Variants in TMEM108 observed in about 807,000 individuals in gnomAD.
TMEM108 encodes the protein transmembrane protein 108, also known as cancer/testis antigen 124.
A neutral mutation model predicts 35.1 loss-of-function variants in TMEM108; 12 were observed. That is an observed-to-expected ratio of 0.34 (90% CI 0.22 to 0.55). TMEM108 has a LOEUF of 0.55. Ranked by LOEUF, TMEM108 falls within the 20% of genes least tolerant of loss-of-function variation. TMEM108 has a pLI of 0.89. For missense variants in TMEM108, 680 were observed against 753.3 expected, an observed-to-expected ratio of 0.90 and a Z score of 1.14; for synonymous variants, 287 against 308.6, an observed-to-expected ratio of 0.93 and a Z score of 0.73.
intron 2 of TMEM108, among the ~76,000 whole-genome samples, chr3:133,094,080 C>T (rs917848711): frequency 1.3e-5 from 2 of 152,054 alleles, no homozygotes; most frequent in Non-Finnish European, 2.9e-5. Context: ...CCAAAGTTTC[C>T]GGTTTAGTCC....
intron 2 of TMEM108, among the ~76,000 whole-genome samples, chr3:133,105,726 G>A (rs1175782381): frequency 6.6e-6 from 1 of 152,156 alleles, no homozygotes; most frequent in East Asian, 1.9e-4. Flanking sequence ...GGGATAAACT[G>A]GCTTGGCATA....
intron 2 of TMEM108, among the ~76,000 whole-genome samples, chr3:133,111,418 A>C (rs1944222288): frequency 1.3e-5 from 2 of 151,928 alleles, no homozygotes; most frequent in Admixed American, 1.3e-4. Flanking sequence ...GATTTTCTTC[A>C]CCCTTTCTTC....
At chr3:133,322,682 C>A (rs1001957563) in intron 3 of TMEM108, among the ~76,000 whole-genome samples, 1 of 152,062 alleles carries the variant, frequency 6.6e-6, no homozygotes, top group Non-Finnish European at 1.5e-5. Context: ...GTCAGTATCA[C>A]CCTAATTCCA....
intron 3 of TMEM108, among the ~76,000 whole-genome samples, chr3:133,300,890 G>A (rs1947212863): frequency 6.6e-6 from 1 of 151,738 alleles, no homozygotes; most frequent in African/African-American, 2.4e-5. Context: ...CCCTGGAAGG[G>A]TCAACCCCTA....
intron 3 of TMEM108, among the ~76,000 whole-genome samples, chr3:133,330,608 G>GA (rs1420311661): frequency 6.6e-6 from 1 of 152,136 alleles, no homozygotes; most frequent in African/African-American, 2.4e-5. Flanking sequence ...GGTGGTGGTG[G>GA]TAATAGTGTA....
At chr3:133,195,335 G>T (rs76874629) in intron 2 of TMEM108, among the ~76,000 whole-genome samples, 2 of 152,094 alleles carry the variant, frequency 1.3e-5, no homozygotes, top group Non-Finnish European at 2.9e-5. Context: ...CAAGATCCAA[G>T]ATCTCATAAT....
chr3:133,297,827 CTGA>C (rs1947167816), intron 3 of TMEM108, among the ~76,000 whole-genome samples: 2 of 152,302 alleles, frequency 1.3e-5, no homozygotes, highest in East Asian at 3.9e-4. Context: ...CAGGCGAAAG[CTGA>C]TAAGATACTG....
At chr3:133,394,289 C>T (rs146883429) in intron 5 of TMEM108, among the ~76,000 whole-genome samples, 1,714 of 152,358 alleles carry the variant, frequency 0.011, 15 homozygotes, top group Non-Finnish European at 0.015. Context: ...TAAGCAAGTT[C>T]CTCAGTTGCC....
intron 2 of TMEM108, among the ~76,000 whole-genome samples, chr3:133,091,037 A>G (rs1293065437): frequency 6.6e-6 from 1 of 152,190 alleles, no homozygotes; most frequent in Non-Finnish European, 1.5e-5. Context: ...ATACATTTTT[A>G]ATAAACATTG....
At chr3:133,293,954 G>C (rs998518074) in intron 3 of TMEM108, among the ~76,000 whole-genome samples, 17 of 152,196 alleles carry the variant, frequency 1.1e-4, no homozygotes, top group African/African-American at 4.1e-4. Context: ...AAGGGGAGAT[G>C]TTGCAAACTG....
At chr3:133,163,876 G>A (rs1052529901) in intron 2 of TMEM108, among the ~76,000 whole-genome samples, 4 of 152,152 alleles carry the variant, frequency 2.6e-5, no homozygotes, top group African/African-American at 9.7e-5. Context: ...CCACAGCTTA[G>A]GCTGCTGGTG....
At chr3:133,159,211 G>A (rs1249244050) in intron 2 of TMEM108, among the ~76,000 whole-genome samples, 8 of 152,154 alleles carry the variant, frequency 5.3e-5, no homozygotes, top group Non-Finnish European at 1.2e-4. Flanking sequence ...CACACCAGTC[G>A]ATAGTGATGA....
At chr3:133,137,330 C>T (rs78368337) in intron 2 of TMEM108, among the ~76,000 whole-genome samples, 3,168 of 152,304 alleles carry the variant, frequency 0.021, 50 homozygotes, top group South Asian at 0.065. Context: ...ATCTATACCA[C>T]GCTGCCGTCA....
chr3:133,116,220 G>A (rs1267027637), intron 2 of TMEM108, among the ~76,000 whole-genome samples: 1 of 152,126 alleles, frequency 6.6e-6, no homozygotes, highest in Non-Finnish European at 1.5e-5. Flanking sequence ...AACATTTTGT[G>A]ATGCATCAGT....
In TMEM108 at chr3:133,386,733, G is replaced by A. The variant is rs1024270262; in HGVS notation, c.1451-3447G>A. The stretch of plus-strand genomic sequence containing the variant: ...ACATCTTGTGTTTGCATAGAGCTGC[G>A]CAGTTTACAAAACGCTTCTGCATAT... On this transcript the variant is annotated intron_variant, in intron 4 of 5. Transcript: ENST00000321871. The A allele has an allele frequency of 1.9e-5, 25 of 1,311,292 alleles. No individual in the cohort carries two copies. The East Asian group carries it at 3.8e-4, about 20-fold the overall frequency. The allele number at this position is 1,311,292 out of a possible 1,614,324, so 81.2% of individuals were successfully genotyped here. A position where few individuals can be genotyped will look rare whatever the true frequency, so the allele number is the denominator to read the frequency against.
chr3:133,198,981 C>T (rs767002263), intron 2 of TMEM108, among the ~76,000 whole-genome samples: 11 of 152,210 alleles, frequency 7.2e-5, no homozygotes, highest in Middle Eastern at 3.4e-3. Flanking sequence ...TTGGAGGCTT[C>T]GTTTCTTTTT....
chr3:133,243,820 G>A (rs777567476), intron 3 of TMEM108, among the ~76,000 whole-genome samples: 6 of 152,110 alleles, frequency 3.9e-5, no homozygotes, highest in Non-Finnish European at 5.9e-5. Flanking sequence ...CACCGCGCCC[G>A]GCCTCATGTC....
chr3:133,309,752 G>A (rs2071097891), intron 3 of TMEM108, among the ~76,000 whole-genome samples: 1 of 127,468 alleles, frequency 7.8e-6, no homozygotes, highest in Non-Finnish European at 1.6e-5. Context: ...CCAGGCTGGA[G>A]TGCAGTGGCG....
intron 2 of TMEM108, among the ~76,000 whole-genome samples, chr3:133,201,450 C>A (rs1467676810): frequency 2.0e-5 from 3 of 151,806 alleles, no homozygotes; most frequent in Admixed American, 6.6e-5. Flanking sequence ...CTCCCCTAGC[C>A]CCCCACCACC....
Sources: gnomAD v4.1 joint callset for allele counts (sites outside exome capture counted in the v4.1 genomes callset) on GRCh38, gnomAD v4.1.1 for gene constraint, MANE v1.5 for transcripts, NCBI Gene and HGNC (gene_info 2026-07-23, HGNC 2026-07-21) for gene names.